The following RUBCN variants were observed in gnomAD, a reference collection of about 807,000 sequenced individuals.
The protein encoded by RUBCN is rubicon autophagy regulator.
In RUBCN, 74 loss-of-function variants were observed where a neutral mutation model predicts 113.2. That is an observed-to-expected ratio of 0.65 (90% CI 0.54 to 0.79). RUBCN has a LOEUF of 0.79. Among genes scored for constraint, RUBCN ranks in the 30% least tolerant of loss-of-function variants. The probability of loss-of-function intolerance (pLI) is 0.00; values close to 1 mark genes in which losing one functional copy is unlikely to be tolerated. For missense variants in RUBCN, 1,109 were observed against 1,251.7 expected, an observed-to-expected ratio of 0.89 and a Z score of 1.72; for synonymous variants, 480 against 490.0, an observed-to-expected ratio of 0.98 and a Z score of 0.27.
intron 1 of RUBCN, among the ~76,000 whole-genome samples, chr3:197,744,518 A>C (rs545881241): frequency 6.6e-6 from 1 of 152,330 alleles, no homozygotes; most frequent in East Asian, 1.9e-4. Context: ...CAACCTAAAA[A>C]AAGGCATTTT....
In RUBCN at chr3:197,675,029, C is replaced by T; in HGVS notation, c.2908G>A (p.Glu970Lys). 3 of 1,612,442 alleles carry T rather than the reference C, an allele frequency of 1.9e-6. No homozygotes were observed. Among genetic ancestry groups the T allele is most frequent in the Non-Finnish European group, 2.5e-6 (3 of 1,179,892 alleles). ...EALALEAAVL[E>K]AT ...TGCACGTGCTTTCTTCAGGTGGCCT[C>T]CAGGACGGCGGCTTCCAGGGCCAGC... is the stretch of plus-strand genomic sequence containing the variant. The change falls in exon 20 of 20, where the codon GAG becomes AAG. Residue 970 changes from glutamate to lysine, a missense_variant. Physicochemically the swap from Glu to Lys is moderately conservative, Grantham distance 56. Around this residue, in one of 3 missense-constraint regions of RUBCN, gnomAD observed 306 missense variants for 348.9 expected, o/e 0.88. Coordinates refer to ENST00000296343, the MANE Select transcript of RUBCN (RefSeq NM_014687.4). The surrounding 1 kb of genome is among the most constrained non-coding windows in gnomAD (Gnocchi z 4.4).
In RUBCN at chr3:197,683,482, A is replaced by G. The variant is rs775191403; in HGVS notation, c.1848-43T>C. On this transcript the variant is annotated intron_variant, in intron 12 of 19. Transcript: ENST00000296343. The surrounding 1 kb of genome is among the most constrained non-coding windows in gnomAD (Gnocchi z 4.6). ...AAGGACGGCTGAACACAGGGAAAGG[A>G]TGGGCGATGCGAGGCTTCCCTTCAT... is the stretch of plus-strand genomic sequence containing the variant. 6.2e-7 allele frequency: 1 copy of G among 1,611,438 alleles called. No homozygotes were observed.
intron 1 of RUBCN, among the ~76,000 whole-genome samples, chr3:197,746,393 G>A (rs988381754): frequency 2.0e-5 from 3 of 152,052 alleles, no homozygotes; most frequent in South Asian, 2.1e-4. Flanking sequence ...TCTCTGGCAC[G>A]CCTCAATCAT....
At chr3:197,691,116 A>G in intron 11 of RUBCN, 2 of 1,289,502 alleles carry the variant, frequency 1.6e-6, no homozygotes, top group South Asian at 1.2e-5. Context: ...CCGTTCTTTG[A>G]TATGTGAGTC....
intron 1 of RUBCN, among the ~76,000 whole-genome samples, chr3:197,734,808 G>A (rs554962161): frequency 6.6e-6 from 1 of 152,264 alleles, no homozygotes; most frequent in East Asian, 1.9e-4. Flanking sequence ...AGTCAAATAG[G>A]CAAAGCAGAA....
chr3:197,692,276 C>T (rs920114254), intron 11 of RUBCN, among the ~76,000 whole-genome samples: 7 of 151,920 alleles, frequency 4.6e-5, no homozygotes, highest in Admixed American at 3.9e-4. Context: ...GGGTGGTGCC[C>T]CAGACACCAC....
intron 1 of RUBCN, among the ~76,000 whole-genome samples, chr3:197,732,608 CAGTGT>C (rs1459043532): frequency 2.6e-5 from 4 of 152,218 alleles, no homozygotes; most frequent in Non-Finnish European, 4.4e-5. Context: ...CCACCGTGCC[CAGTGT>C]AGTGTAGTAG....
rs1223820175 is a variant in RUBCN at position 197,683,363 on chromosome 3, G to A, written c.1924C>T (p.Leu642Phe). 1 of 1,614,214 alleles carries A rather than the reference G, an allele frequency of 6.2e-7. No individual in the cohort carries two copies. The highest frequency in any genetic ancestry group is 1.7e-5 in the Admixed American group (1 of 60,022). Residue 642 changes from leucine (L) to phenylalanine (F), a missense_variant, in exon 13 of 20, where the codon CTT (leucine) becomes TTT (phenylalanine). By Grantham distance (22) the Leu-to-Phe change is conservative (BLOSUM62 0). Coordinates refer to ENST00000296343, the MANE Select transcript of RUBCN (RefSeq NM_014687.4). The surrounding 1 kb of genome is among the most constrained non-coding windows in gnomAD (Gnocchi z 4.6). ...CACTCCAGCTCCGAGGCGGCTGGAA[G>A]CTGCATCCCCTCAAACTGCTTCAGG... ...GLLKQFEGMQ[L>F]PAASELEWLV... is the part of the protein sequence containing the mutation.
intron 17 of RUBCN, 148 bp from the exon 18 acceptor site, chr3:197,677,186 A>G: frequency 1.1e-6 from 1 of 896,934 alleles, no homozygotes; most frequent in Non-Finnish European, 1.8e-6. Context: ...CAGCCGTTCC[A>G]CGCTATTAGG....
intron 11 of RUBCN, among the ~76,000 whole-genome samples, chr3:197,685,585 C>T (rs568598247): frequency 1.3e-5 from 2 of 152,278 alleles, no homozygotes; most frequent in East Asian, 1.9e-4. Context: ...ACATTGTTGA[C>T]AAACTAATGT....
chr3:197,744,101 T>A (rs1043964040), intron 1 of RUBCN, among the ~76,000 whole-genome samples: 2 of 150,626 alleles, frequency 1.3e-5, no homozygotes, highest in Non-Finnish European at 2.9e-5. Context: ...TATACCAGTA[T>A]AATACATATT....
In RUBCN at chr3:197,669,255, C is replaced by A. The variant is rs1025611060; in HGVS notation, c.*5763G>T. Among the ~76,000 whole-genome samples the A allele has an allele frequency of 2.6e-5, 4 of 152,196 alleles. No individual in the cohort carries two copies. Among genetic ancestry groups the A allele is most frequent in the Non-Finnish European group, 5.9e-5 (4 of 68,032 alleles). On this transcript the variant is annotated 3_prime_UTR_variant, in exon 20 of 20. Transcript: ENST00000296343. ...TTTTAACTAAACTCCAAATTGTATT[C>A]AGATTTTGCCAGTTTTTTCACTAAT...
intron 1 of RUBCN, among the ~76,000 whole-genome samples, chr3:197,719,663 T>G (rs1256316071): frequency 2.0e-5 from 3 of 152,162 alleles, no homozygotes; most frequent in Non-Finnish European, 4.4e-5. Flanking sequence ...CACAATGAAG[T>G]GTCCCTAAGG....
intron 1 of RUBCN, among the ~76,000 whole-genome samples, chr3:197,735,352 T>C (rs1342106150): frequency 6.6e-6 from 1 of 152,232 alleles, no homozygotes; most frequent in Non-Finnish European, 1.5e-5. Context: ...TGAGCCGTGT[T>C]CACGGCACTG....
intron 12 of RUBCN, 78 bp downstream of exon 12, chr3:197,684,079 A>C (rs1347104607): frequency 1.2e-5 from 14 of 1,176,874 alleles, no homozygotes; most frequent in Non-Finnish European, 1.8e-5. Flanking sequence ...TTGCCCAGCC[A>C]TACACCAAGA....
intron 2 of RUBCN, among the ~76,000 whole-genome samples, chr3:197,715,156 G>C (rs1403179663): frequency 1.3e-5 from 2 of 151,992 alleles, no homozygotes; most frequent in East Asian, 3.9e-4. Context: ...GGGCGTGGTG[G>C]TGCATGACTG....
intron 11 of RUBCN, among the ~76,000 whole-genome samples, chr3:197,686,508 C>G (rs1721867618): frequency 1.3e-5 from 2 of 152,220 alleles, no homozygotes; most frequent in African/African-American, 4.8e-5. Context: ...AAGGACCACG[C>G]AGCTCTGCGG....
chr3:197,734,181 T>G (rs6771834), intron 1 of RUBCN, among the ~76,000 whole-genome samples: 1 of 151,258 alleles, frequency 6.6e-6, no homozygotes, highest in Admixed American at 6.6e-5. Flanking sequence ...TGTTTGAACC[T>G]GGGAGGCAGA....
At chr3:197,703,474 T>C in intron 5 of RUBCN, 74 bp downstream of exon 5, 1 of 861,440 alleles carries the variant, frequency 1.2e-6, no homozygotes, top group South Asian at 1.4e-5. Flanking sequence ...GTGAAAAAGT[T>C]TGCTGTAGAG....
Sources: gnomAD v4.1 joint callset for allele counts (sites outside exome capture counted in the v4.1 genomes callset) on GRCh38, gnomAD v4.1.1 for gene constraint, gnomAD v4.1.1 regional missense constraint, Gnocchi (gnomAD v3.1) non-coding constraint, MANE v1.5 for transcripts, NCBI Gene and HGNC (gene_info 2026-07-23, HGNC 2026-07-21) for gene names.